Variants in CNTNAP2 observed in about 807,000 individuals in gnomAD.
CNTNAP2 encodes the protein contactin associated protein 2.
CNTNAP2 carries 98 observed loss-of-function variants against 155.2 expected under a neutral mutation model. That is an observed-to-expected ratio of 0.63 (90% CI 0.54 to 0.75). The LOEUF (loss-of-function observed/expected upper bound fraction) is 0.75. Ranked by LOEUF, CNTNAP2 falls within the 30% of genes least tolerant of loss-of-function variation. The pLI is 0.00. For synonymous variants in CNTNAP2, 651 were observed against 631.2 expected (o/e 1.03, Z -0.47); for missense variants, 1,727 against 1,688.1 (o/e 1.02, Z -0.40).
intron 14 of CNTNAP2, among the ~76,000 whole-genome samples, chr7:147,905,770 G>C (rs1055839594): frequency 6.6e-6 from 1 of 152,140 alleles, no homozygotes; most frequent in African/African-American, 2.4e-5. Flanking sequence ...TGTAATTGCA[G>C]ATACTCGGGA....
At chr7:146,910,614 G>A (rs1796252171) in intron 3 of CNTNAP2, among the ~76,000 whole-genome samples, 1 of 150,822 alleles carries the variant, frequency 6.6e-6, no homozygotes, top group African/African-American at 2.5e-5. Flanking sequence ...GTAGAAAGCT[G>A]AAACTGGATC....
At chr7:147,210,344 T>C (rs1803120836) in intron 8 of CNTNAP2, among the ~76,000 whole-genome samples, 1 of 152,082 alleles carries the variant, frequency 6.6e-6, no homozygotes, top group Non-Finnish European at 1.5e-5. Context: ...TTTTCAGGAA[T>C]TTATCCATTT....
rs79998763 is a variant in CNTNAP2, at chr7:146,888,776, C to T, written c.402+48872C>T. The stretch of plus-strand genomic sequence containing the variant: ...AAAGACAAACACTATATGATGTTAC[C>T]TACATGTGGGTTAAAAATAGTAAAA... On this transcript the variant is annotated intron_variant, in intron 3 of 23. Transcript: ENST00000361727. Among the ~76,000 whole-genome samples the T allele has an allele frequency of 8.0e-3, 1,219 of 151,992 alleles. 18 individuals carry two copies. Among genetic ancestry groups the T allele is most frequent in the African/African-American group, 0.027 (1,117 of 41,452 alleles).
chr7:146,917,753 G>A (rs1796423324), intron 3 of CNTNAP2, among the ~76,000 whole-genome samples: 1 of 152,078 alleles, frequency 6.6e-6, no homozygotes, highest in South Asian at 2.1e-4. Context: ...ATAAAAGGGA[G>A]TTTTCCTGTA....
At chr7:147,760,604 T>C (rs977895157) in intron 13 of CNTNAP2, among the ~76,000 whole-genome samples, 1 of 152,212 alleles carries the variant, frequency 6.6e-6, no homozygotes, top group African/African-American at 2.4e-5. Flanking sequence ...TGTCAAGCCA[T>C]GTAGATAATT....
intron 9 of CNTNAP2, among the ~76,000 whole-genome samples, chr7:147,389,783 A>G (rs1277239014): frequency 1.3e-5 from 2 of 152,264 alleles, no homozygotes; most frequent in African/African-American, 2.4e-5. Flanking sequence ...GAAACCAGTT[A>G]CAATGACCCA....
intron 1 of CNTNAP2, among the ~76,000 whole-genome samples, chr7:146,243,061 TTC>T (rs1799588998): frequency 8.1e-6 from 1 of 123,376 alleles, no homozygotes; most frequent in African/African-American, 6.3e-5. Context: ...TGTTTGTGAT[TTC>T]TGTTTTTTAG....
chr7:147,472,687 A>T (rs1798246540), intron 10 of CNTNAP2, among the ~76,000 whole-genome samples: 1 of 152,140 alleles, frequency 6.6e-6, no homozygotes, highest in African/African-American at 2.4e-5. Flanking sequence ...AAGTGGACAG[A>T]TTGGAGCCAG....
Position 146,552,765 on chromosome 7 carries a change from C to T in CNTNAP2, c.98-221506C>T, listed in dbSNP as rs143293534. ...CTTCCCCTCTGCTCTCTCCTTTAGT[C>T]ACATGGTCCCCTTGCTTTATGAACA... On this transcript the variant is annotated intron_variant, in intron 1 of 23. Coordinates refer to ENST00000361727, the MANE Select transcript of CNTNAP2 (RefSeq NM_014141.6). Among the ~76,000 whole-genome samples the T allele has an allele frequency of 4.6e-3, 699 of 152,218 alleles. 5 individuals are homozygous for T. The highest frequency in any genetic ancestry group is 0.016 in the African/African-American group (651 of 41,538).
intron 1 of CNTNAP2, among the ~76,000 whole-genome samples, chr7:146,310,804 T>A (rs1302826406): frequency 2.6e-5 from 4 of 152,148 alleles, no homozygotes; most frequent in Admixed American, 1.3e-4. Context: ...CATCCATCCA[T>A]TATGTACTGT....
At chr7:147,592,260 G>A (rs373263192) in intron 12 of CNTNAP2, among the ~76,000 whole-genome samples, 7 of 152,032 alleles carry the variant, frequency 4.6e-5, no homozygotes, top group African/African-American at 1.7e-4. Flanking sequence ...AAACATTTTT[G>A]TATATTATTT....
At chr7:148,313,272 C>T (rs963062491) in intron 21 of CNTNAP2, among the ~76,000 whole-genome samples, 1 of 149,760 alleles carries the variant, frequency 6.7e-6, no homozygotes, top group Non-Finnish European at 1.5e-5. Flanking sequence ...GATCGGCATC[C>T]GTGATAGTCT....
At chr7:147,587,705 C>T (rs563271857) in intron 12 of CNTNAP2, among the ~76,000 whole-genome samples, 74 of 152,202 alleles carry the variant, frequency 4.9e-4, no homozygotes, top group African/African-American at 1.8e-3. Flanking sequence ...TTCTGAAGAT[C>T]GGATATTCTT....
At chr7:146,482,206 G>GAAAAAAAA (rs749887909) in intron 1 of CNTNAP2, among the ~76,000 whole-genome samples, 20 of 82,162 alleles carry the variant, frequency 2.4e-4, no homozygotes, top group African/African-American at 7.1e-4. Flanking sequence ...CTAAGAATTA[G>GAAAAAAAA]AAAAAAAAAA....
intron 21 of CNTNAP2, among the ~76,000 whole-genome samples, chr7:148,293,284 C>T (rs1797224161): frequency 6.6e-6 from 1 of 152,066 alleles, no homozygotes; most frequent in Admixed American, 6.6e-5. Flanking sequence ...AAAAAATCTG[C>T]AGTATTAAAG....
intron 10 of CNTNAP2, among the ~76,000 whole-genome samples, chr7:147,482,404 A>C (rs1798436335): frequency 6.6e-6 from 1 of 152,104 alleles, no homozygotes; most frequent in South Asian, 2.1e-4. Context: ...TATAATCATC[A>C]CAGGGAGAAT....
At chr7:146,709,526 G>T (rs761143201) in intron 1 of CNTNAP2, among the ~76,000 whole-genome samples, 64 of 152,170 alleles carry the variant, frequency 4.2e-4, no homozygotes, top group Non-Finnish European at 3.2e-4. Context: ...AAAGTTTGTT[G>T]CTCAGTTGGA....
At chr7:147,575,511 C>CGTGTGTG (rs1800381467) in intron 12 of CNTNAP2, among the ~76,000 whole-genome samples, 3 of 132,672 alleles carry the variant, frequency 2.3e-5, no homozygotes, top group African/African-American at 8.6e-5. Flanking sequence ...GGGTATACAA[C>CGTGTGTG]TGTGTGTGTG....
At chr7:147,651,246 C>G (rs1349127754) in intron 13 of CNTNAP2, among the ~76,000 whole-genome samples, 2 of 152,222 alleles carry the variant, frequency 1.3e-5, no homozygotes, top group African/African-American at 4.8e-5. Flanking sequence ...CAAACTGAAG[C>G]TGATGTCCAC....
Sources: allele counts gnomAD v4.1 joint callset (sites outside exome capture counted in the v4.1 genomes callset), GRCh38; gene constraint gnomAD v4.1.1; transcripts MANE v1.5; gene names NCBI Gene and HGNC (gene_info 2026-07-23, HGNC 2026-07-21).